Variants in PTPRT observed in about 807,000 individuals in gnomAD.
PTPRT encodes the protein receptor-type tyrosine-protein phosphatase T.
In PTPRT, 56 loss-of-function variants were observed where a neutral mutation model predicts 176.8. The observed-to-expected ratio is 0.32, with a 90% CI of 0.26 to 0.40. The LOEUF is 0.40. PTPRT is among the 10% of genes least tolerant of loss of function. The pLI is 1.00. For missense variants in PTPRT, 1,540 were observed against 1,908.2 expected, an observed-to-expected ratio of 0.81 and a Z score of 3.60; for synonymous variants, 783 against 739.0, an observed-to-expected ratio of 1.06 and a Z score of -0.96.
intron 3 of PTPRT, among the ~76,000 whole-genome samples, chr20:42,786,052 T>G (rs898863748): frequency 6.6e-6 from 1 of 152,120 alleles, no homozygotes; most frequent in African/African-American, 2.4e-5. Context: ...GATCTGATGG[T>G]TTTATAAGTG....
At chr20:42,082,161 T>G (rs768036717) in intron 29 of PTPRT, 144 bp from the exon 30 acceptor site, 4 of 1,238,922 alleles carry the variant, frequency 3.2e-6, no homozygotes, top group Non-Finnish European at 4.5e-6. Context: ...GCCTGAGCCA[T>G]GAGTTATGGT....
rs58436301 is a variant in PTPRT, at chr20:42,799,230, C to A, written c.215-7764G>T. Among the ~76,000 whole-genome samples, 1,105 of 151,982 alleles carry A rather than the reference C, an allele frequency of 7.3e-3. 18 individuals carry two copies. The highest frequency in any genetic ancestry group is 0.025 in the African/African-American group (1,023 of 41,434). On this transcript the variant is annotated intron_variant, in intron 2 of 30. Coordinates refer to ENST00000373187, the MANE Select transcript of PTPRT (RefSeq NM_007050.6). ...CAGAAGGAGAAGCAGGAGACATGAACTGCAGGCGAGGGAAGGGGTACTGAG... is the reference window on the plus strand; with the variant it reads ...CAGAAGGAGAAGCAGGAGACATGAAATGCAGGCGAGGGAAGGGGTACTGAG...
chr20:42,233,085 T>A (rs1211421957), intron 15 of PTPRT, among the ~76,000 whole-genome samples: 1 of 152,212 alleles, frequency 6.6e-6, no homozygotes, highest in Admixed American at 6.5e-5. Flanking sequence ...TCTGATTCTT[T>A]AATCATGGTC....
At chr20:42,314,031 G>A (rs1369365169) in intron 12 of PTPRT, among the ~76,000 whole-genome samples, 2 of 152,152 alleles carry the variant, frequency 1.3e-5, no homozygotes, top group African/African-American at 4.8e-5. Flanking sequence ...TGCCCAGGCT[G>A]TTCCCCACAC....
chr20:43,027,458 AG>A (rs1985959911), intron 1 of PTPRT, among the ~76,000 whole-genome samples: 1 of 140,422 alleles, frequency 7.1e-6, no homozygotes, highest in African/African-American at 2.6e-5. Flanking sequence ...CCTAGGCAAC[AG>A]GGCAAGACTC....
intron 1 of PTPRT, among the ~76,000 whole-genome samples, chr20:43,020,857 T>G (rs1985642265): frequency 6.6e-6 from 1 of 152,136 alleles, no homozygotes; most frequent in African/African-American, 2.4e-5. Flanking sequence ...AAGATCCTAT[T>G]AAGGATGATG....
chr20:42,881,748 A>AAG lies in PTPRT; in HGVS notation c.214+4057_214+4058dup, dbSNP rs1555799769. Among the ~76,000 whole-genome samples, 171 of 148,368 alleles carry AAG rather than the reference A, an allele frequency of 1.2e-3. 3 individuals carry two copies. Among genetic ancestry groups the AAG allele is most frequent in the South Asian group, 2.6e-3 (12 of 4,664 alleles). On this transcript the variant is annotated intron_variant, in intron 2 of 30. Transcript: ENST00000373187. ...TCAAAAAAAAAAAAAAAAAAAAAAA[A>AAG]AGAGAGAGAGAGACAACCAAAGAAC... is the stretch of plus-strand genomic sequence containing the variant.
At chr20:42,041,808 C>G in the PTPRT span, among the ~76,000 whole-genome samples, 4 of 152,162 alleles carry the variant, frequency 2.6e-5, no homozygotes, top group African/African-American at 9.7e-5. Context: ...ATGTTCTTTA[C>G]TATTATAATT....
chr20:42,883,207 G>C (rs1422717401), intron 2 of PTPRT, among the ~76,000 whole-genome samples: 1 of 152,162 alleles, frequency 6.6e-6, no homozygotes, highest in Non-Finnish European at 1.5e-5. Context: ...CATCTGTTTG[G>C]AGAATGGATT....
intron 2 of PTPRT, among the ~76,000 whole-genome samples, chr20:42,821,352 A>T (rs2077890104): frequency 6.6e-6 from 1 of 152,240 alleles, no homozygotes; most frequent in Non-Finnish European, 1.5e-5. Context: ...CCTTTGATAA[A>T]ATTCAACATC....
At chr20:42,097,278 T>C (rs1201382597) in intron 27 of PTPRT, among the ~76,000 whole-genome samples, 4 of 152,168 alleles carry the variant, frequency 2.6e-5, no homozygotes, top group African/African-American at 9.7e-5. Context: ...ACTACATTCT[T>C]CTCCTCCTGA....
chr20:42,868,952 G>A (rs959555303), intron 2 of PTPRT, among the ~76,000 whole-genome samples: 2 of 152,210 alleles, frequency 1.3e-5, no homozygotes, highest in African/African-American at 2.4e-5. Context: ...GAGCCCAAGT[G>A]TGGCTCAGGC....
At chr20:42,512,062 T>C (rs1206891855) in intron 7 of PTPRT, among the ~76,000 whole-genome samples, 1 of 152,194 alleles carries the variant, frequency 6.6e-6, no homozygotes, top group Non-Finnish European at 1.5e-5. Context: ...CTCATAGCAA[T>C]TTTGGATGCA....
chr20:42,734,111 A>C (rs6072847), intron 6 of PTPRT, among the ~76,000 whole-genome samples: 7 of 152,280 alleles, frequency 4.6e-5, no homozygotes, highest in Admixed American at 2.6e-4. Flanking sequence ...TGTCATGCAT[A>C]TGGCCACTAG....
intron 1 of PTPRT, among the ~76,000 whole-genome samples, chr20:42,911,976 C>CT (rs11475084): frequency 0.6 from 74,609 of 124,746 alleles, 21,810 homozygotes; most frequent in South Asian, 0.72. Context: ...ATCCTCTTTT[C>CT]TTTTTTTTTT....
chr20:42,943,420 G>A (rs1376501427), intron 1 of PTPRT, among the ~76,000 whole-genome samples: 1 of 152,134 alleles, frequency 6.6e-6, no homozygotes, highest in African/African-American at 2.4e-5. Context: ...AAGTTGAGCG[G>A]GTGCAGGGAA....
At chr20:42,781,012 C>T (rs1205396541) in intron 3 of PTPRT, among the ~76,000 whole-genome samples, 2 of 152,118 alleles carry the variant, frequency 1.3e-5, no homozygotes, top group Admixed American at 1.3e-4. Context: ...TTTAGCCCCA[C>T]TTTCACCTCA....
At chr20:42,384,933 T>C (rs2058730922) in intron 9 of PTPRT, among the ~76,000 whole-genome samples, 3 of 152,216 alleles carry the variant, frequency 2.0e-5, no homozygotes. Context: ...CCAATCAGGT[T>C]ATTTGTTTTC....
chr20:42,851,707 C>T (rs2078474467), intron 2 of PTPRT, among the ~76,000 whole-genome samples: 1 of 152,184 alleles, frequency 6.6e-6, no homozygotes, highest in African/African-American at 2.4e-5. Context: ...GTCTCTTTTG[C>T]AACTACTCAG....
Sources: gnomAD v4.1 joint callset for allele counts (sites outside exome capture counted in the v4.1 genomes callset) on GRCh38, gnomAD v4.1.1 for gene constraint, MANE v1.5 for transcripts, NCBI Gene and HGNC (gene_info 2026-07-23, HGNC 2026-07-21) for gene names.